Variants in RPS6KA5 observed in about 807,000 individuals in gnomAD.
The protein encoded by RPS6KA5 is ribosomal protein S6 kinase alpha-5.
RPS6KA5 carries 27 observed loss-of-function variants against 85.5 expected under a neutral mutation model. That is an observed-to-expected ratio of 0.32 (90% confidence interval 0.23 to 0.44). RPS6KA5 has a LOEUF of 0.44. Ranked by LOEUF, RPS6KA5 falls within the 20% of genes least tolerant of loss-of-function variation. The pLI is 1.00. For synonymous variants in RPS6KA5, 334 were observed against 348.2 expected, an observed-to-expected ratio of 0.96 and a Z score of 0.46; for missense variants, 811 against 980.9, an observed-to-expected ratio of 0.83 and a Z score of 2.31.
rs2032141554 is a variant in RPS6KA5, at chr14:90,853,866, A to C, written c.*18208T>G. On this transcript the variant is annotated 3_prime_UTR_variant, in exon 17 of 17. Transcript: ENST00000614987. The stretch of plus-strand genomic sequence containing the variant: ...GTATCCCATTATTCATTTAAAAAGA[A>C]ACGAACACAAATATTTCACACCCTT... 1 of 152,196 alleles carries C rather than the reference A, an allele frequency of 6.6e-6. No individual in the cohort carries two copies. Among genetic ancestry groups the C allele is most frequent in the South Asian group, 2.1e-4 (1 of 4,826 alleles). 9.4% of individuals were successfully genotyped at this position (152,196 alleles called of 1,614,324 possible). A position where few individuals can be genotyped will look rare whatever the true frequency, so the allele number is the denominator to read the frequency against.
chr14:91,003,199 T>G (rs1197289964), intron 1 of RPS6KA5, among the ~76,000 whole-genome samples: 1 of 152,116 alleles, frequency 6.6e-6, no homozygotes, highest in South Asian at 2.1e-4. Context: ...TACTGAGATA[T>G]GTACAAGCCC....
intron 3 of RPS6KA5, among the ~76,000 whole-genome samples, chr14:90,948,728 A>C (rs973795087): frequency 4.8e-5 from 7 of 145,658 alleles, no homozygotes; most frequent in Admixed American, 4.7e-4. Context: ...AAAAAACACA[A>C]CAACAAAAAA....
At chr14:90,976,447 G>A (rs933681140) in intron 3 of RPS6KA5, among the ~76,000 whole-genome samples, 1 of 152,090 alleles carries the variant, frequency 6.6e-6, no homozygotes, top group African/African-American at 2.4e-5. Flanking sequence ...GAAATAAACC[G>A]GTAGGGCTTG....
intron 3 of RPS6KA5, among the ~76,000 whole-genome samples, chr14:90,964,086 A>G (rs2038940571): frequency 6.6e-6 from 1 of 152,212 alleles, no homozygotes; most frequent in South Asian, 2.1e-4. Context: ...TTAATGTAAA[A>G]AACGGACTGG....
intron 12 of RPS6KA5, among the ~76,000 whole-genome samples, chr14:90,897,206 AG>A (rs2034889457): frequency 6.6e-6 from 1 of 152,156 alleles, no homozygotes; most frequent in African/African-American, 2.4e-5. Context: ...ATCTGCCAAG[AG>A]GTGGAGTTCA....
chr14:90,920,468 A>G (rs1175485480), intron 6 of RPS6KA5, among the ~76,000 whole-genome samples, 159 bp from the exon 7 acceptor site: 4 of 152,182 alleles, frequency 2.6e-5, no homozygotes, highest in Non-Finnish European at 4.4e-5. Flanking sequence ...CATGCAAGAA[A>G]GACATTTAGA....
intron 2 of RPS6KA5, among the ~76,000 whole-genome samples, chr14:90,995,704 A>T (rs189017289): frequency 6.6e-6 from 1 of 152,204 alleles, no homozygotes; most frequent in Admixed American, 6.5e-5. Context: ...AGGTAATCTA[A>T]GCAGTTGATA....
At chr14:91,036,936 T>C (rs745416186) in intron 1 of RPS6KA5, among the ~76,000 whole-genome samples, 37 of 152,148 alleles carry the variant, frequency 2.4e-4, no homozygotes, top group South Asian at 1.0e-3. Context: ...ACAGTGAGCA[T>C]GCTCAAGACA....
chr14:90,866,365 G>A lies in RPS6KA5; in HGVS notation c.*5709C>T, dbSNP rs1224044324. 3.3e-5 allele frequency: 5 copies of A among 152,318 alleles called. No individual in the cohort carries two copies. Among genetic ancestry groups the A allele is most frequent in the Non-Finnish European group, 5.9e-5 (4 of 68,188 alleles). The allele number at this position is 152,318 out of a possible 1,614,324, so 9.4% of individuals were successfully genotyped here. On this transcript the variant is annotated 3_prime_UTR_variant, in exon 17 of 17. Coordinates refer to ENST00000614987, the MANE Select transcript of RPS6KA5 (RefSeq NM_004755.4). ...AGTCTACTTAGTCAGCTGCTTAGGA[G>A]GCTGAGGTACAAGGATTGCTTGAGC...
chr14:91,060,424 T>A lies in RPS6KA5; in HGVS notation c.11A>T (p.Glu4Val). The A allele has an allele frequency of 1.3e-6, 2 of 1,489,830 alleles. No individual in the cohort carries two copies. Among genetic ancestry groups the A allele is most frequent in the Non-Finnish European group, 1.8e-6 (2 of 1,112,082 alleles). 92.3% of individuals were successfully genotyped at this position (1,489,830 alleles called of 1,614,324 possible). A position where few individuals can be genotyped will look rare whatever the true frequency, so the allele number is the denominator to read the frequency against. MEE[E>V]GGSSGGAAGT... ...CGCGGCGCCGCCGCTGCTGCCACCC[T>A]CCTCCTCCATCTTCTCCTTTTTTTC... Residue 4 changes from glutamate (E) to valine (V), a missense_variant, in exon 1 of 17, where the codon GAG becomes GTG. Coordinates refer to ENST00000614987, the MANE Select transcript of RPS6KA5 (RefSeq NM_004755.4).
intron 3 of RPS6KA5, among the ~76,000 whole-genome samples, chr14:90,956,296 C>G (rs1192825222): frequency 1.3e-5 from 2 of 152,046 alleles, no homozygotes; most frequent in African/African-American, 4.8e-5. Flanking sequence ...TTTTAAATCT[C>G]TACTAGCATT....
chr14:91,001,033 A>T, intron 2 of RPS6KA5, 55 bp downstream of exon 2: 1 of 980,558 alleles, frequency 1.0e-6, no homozygotes. Flanking sequence ...ATCCTTCATC[A>T]TAGGAATAAT....
chr14:91,028,273 A>G (rs1384776010), intron 1 of RPS6KA5, among the ~76,000 whole-genome samples: 3 of 152,246 alleles, frequency 2.0e-5, no homozygotes, highest in African/African-American at 7.2e-5. Flanking sequence ...ACTGGAGTGT[A>G]AAGGCACAAT....
intron 7 of RPS6KA5, among the ~76,000 whole-genome samples, chr14:90,912,459 T>A (rs969241256): frequency 6.6e-6 from 1 of 152,174 alleles, no homozygotes; most frequent in Non-Finnish European, 1.5e-5. Flanking sequence ...CACAGTAGCA[T>A]TGAGTCCCAG....
chr14:90,914,315 T>G (rs925933163), intron 7 of RPS6KA5, among the ~76,000 whole-genome samples: 1 of 139,514 alleles, frequency 7.2e-6, no homozygotes, highest in Non-Finnish European at 1.6e-5. Flanking sequence ...TAGGGTTTTT[T>G]TTTTTTTTTT....
chr14:90,949,072 AGTTT>A (rs1339091171), intron 3 of RPS6KA5, among the ~76,000 whole-genome samples: 26 of 152,340 alleles, frequency 1.7e-4, no homozygotes, highest in African/African-American at 6.3e-4. Context: ...TTTGCCAAGG[AGTTT>A]TAATTATACC....
In RPS6KA5 at chr14:90,896,871, A is replaced by C. The variant is rs994244790; in HGVS notation, c.1474-2288T>G. Among the ~76,000 whole-genome samples the C allele has an allele frequency of 7.2e-5, 11 of 152,028 alleles. 1 individual carries two copies. Among genetic ancestry groups the C allele is most frequent in the Admixed American group, 2.6e-4 (4 of 15,268 alleles). ...GAGTAGCTAGGACTACAGGCGCACA[A>C]CACCACGCCTGACTAATTTTTTGTA... On this transcript the variant is annotated intron_variant, in intron 12 of 16. Transcript: ENST00000614987.
At chr14:90,886,748 A>G (rs1403056465) in intron 14 of RPS6KA5, among the ~76,000 whole-genome samples, 2 of 152,244 alleles carry the variant, frequency 1.3e-5, no homozygotes, top group African/African-American at 4.8e-5. Context: ...AATTTGTGGT[A>G]TTCTGTTACA....
At chr14:90,927,562 TAGG>T (rs572983178) in intron 5 of RPS6KA5, among the ~76,000 whole-genome samples, 123 of 152,238 alleles carry the variant, frequency 8.1e-4, no homozygotes, top group African/African-American at 2.8e-3. Flanking sequence ...TCTTTATTAA[TAGG>T]AGGAGAAATG....
Sources: allele counts gnomAD v4.1 joint callset (sites outside exome capture counted in the v4.1 genomes callset), GRCh38; gene constraint gnomAD v4.1.1; transcripts MANE v1.5; gene names NCBI Gene and HGNC (gene_info 2026-07-23, HGNC 2026-07-21).